DOK6: variants seen among roughly 807,000 people sequenced by gnomAD.
DOK6 encodes the protein downstream of tyrosine kinase 6.
In DOK6, 22 loss-of-function variants were observed where a neutral mutation model predicts 44.0. The observed-to-expected ratio is 0.50, with a 90% CI of 0.36 to 0.71. The LOEUF (loss-of-function observed/expected upper bound fraction) is 0.71. Among genes scored for constraint, DOK6 ranks in the 30% least tolerant of loss-of-function variants. The pLI is 0.00. For synonymous variants in DOK6, 166 were observed against 145.5 expected (o/e 1.14, Z -1.01); for missense variants, 340 against 416.4 (o/e 0.82, Z 1.60).
chr18:69,837,579 A>T (rs1403270203), intron 7 of DOK6, among the ~76,000 whole-genome samples: 2 of 151,940 alleles, frequency 1.3e-5, no homozygotes, highest in Non-Finnish European at 2.9e-5. Context: ...GCAAAAAAAA[A>T]AAAAAGTGCA....
At chr18:69,617,720 A>AAAGT in intron 3 of DOK6, among the ~76,000 whole-genome samples, 1 of 99,546 alleles carries the variant, frequency 1.0e-5, no homozygotes, top group Non-Finnish European at 2.5e-5. Context: ...AGAAAGAAAG[A>AAAGT]AAGAAAAAAG....
intron 3 of DOK6, among the ~76,000 whole-genome samples, chr18:69,642,670 T>C (rs1984972616): frequency 6.6e-6 from 1 of 152,190 alleles, no homozygotes; most frequent in Non-Finnish European, 1.5e-5. Context: ...CCCTCCAACC[T>C]GAATTTGTTG....
chr18:69,751,855 A>G (rs1979190790), intron 6 of DOK6, among the ~76,000 whole-genome samples: 1 of 152,104 alleles, frequency 6.6e-6, no homozygotes, highest in African/African-American at 2.4e-5. Context: ...AGGAAAAAAA[A>G]AGTGCACAAA....
chr18:69,547,072 G>C (rs908993774), intron 1 of DOK6, among the ~76,000 whole-genome samples: 1 of 151,288 alleles, frequency 6.6e-6, no homozygotes, highest in East Asian at 1.9e-4. Context: ...AGATAGTTGG[G>C]TCAGGGAACG....
chr18:69,670,193 T>C (rs1446878605), intron 3 of DOK6, among the ~76,000 whole-genome samples: 1 of 152,210 alleles, frequency 6.6e-6, no homozygotes. Flanking sequence ...TTCAGTTCCA[T>C]GTTCAATGGG....
At chr18:69,489,176 G>T (rs1043166503) in intron 1 of DOK6, among the ~76,000 whole-genome samples, 2 of 152,166 alleles carry the variant, frequency 1.3e-5, no homozygotes, top group Non-Finnish European at 2.9e-5. Context: ...ATAGGTTGAT[G>T]CCCCACCCAC....
rs73453841 is a variant in DOK6 at position 69,581,991 on chromosome 18, C to T, written c.175-17393C>T. 5.2e-3 allele frequency among the ~76,000 whole-genome samples: 797 copies of T among 152,242 alleles called. 11 individuals carry two copies. The highest frequency in any genetic ancestry group is 0.018 in the African/African-American group (762 of 41,532). ...CTCTTAACAGCATCAAACTGCTGAA[C>T]CAACACCAGTAACTACCTACTTCAA... is the stretch of plus-strand genomic sequence containing the variant. On this transcript the variant is annotated intron_variant, in intron 2 of 7. Coordinates refer to ENST00000382713, the MANE Select transcript of DOK6 (RefSeq NM_152721.6).
chr18:69,839,934 T>C (rs989195131), intron 7 of DOK6, among the ~76,000 whole-genome samples: 2 of 151,884 alleles, frequency 1.3e-5, no homozygotes, highest in Admixed American at 1.3e-4. Flanking sequence ...TAAAACAACT[T>C]TTTTTTTAAT....
chr18:69,429,329 T>C (rs1336764732), intron 1 of DOK6, among the ~76,000 whole-genome samples: 1 of 152,040 alleles, frequency 6.6e-6, no homozygotes, highest in African/African-American at 2.4e-5. Flanking sequence ...GGAGAACATG[T>C]GGTTCTGCCC....
chr18:69,448,451 A>C (rs1979360171), intron 1 of DOK6, among the ~76,000 whole-genome samples: 1 of 152,044 alleles, frequency 6.6e-6, no homozygotes, highest in South Asian at 2.1e-4. Context: ...AGCTCACTGC[A>C]ACCTCTGCCT....
intron 1 of DOK6, among the ~76,000 whole-genome samples, chr18:69,472,769 T>G (rs1347404759): frequency 6.6e-6 from 1 of 152,184 alleles, no homozygotes; most frequent in African/African-American, 2.4e-5. Context: ...ATCTCATTAT[T>G]TCTTTAAAGA....
intron 1 of DOK6, among the ~76,000 whole-genome samples, chr18:69,419,868 T>C (rs1439069826): frequency 6.6e-6 from 1 of 152,144 alleles, no homozygotes; most frequent in Admixed American, 6.5e-5. Flanking sequence ...TTGATTGATA[T>C]GTACAAGAAT....
At chr18:69,804,079 T>C (rs190383833) in intron 7 of DOK6, among the ~76,000 whole-genome samples, 131 of 152,294 alleles carry the variant, frequency 8.6e-4, no homozygotes, top group African/African-American at 2.6e-3. Flanking sequence ...TGATTTTCCC[T>C]AAACAAAATT....
At chr18:69,481,319 A>G (rs1272252574) in intron 1 of DOK6, among the ~76,000 whole-genome samples, 2 of 151,864 alleles carry the variant, frequency 1.3e-5, no homozygotes, top group Non-Finnish European at 2.9e-5. Context: ...GGTGTGCTGT[A>G]CTCATTAACT....
chr18:69,819,948 C>CA (rs915764327), intron 7 of DOK6, among the ~76,000 whole-genome samples: 96 of 150,500 alleles, frequency 6.4e-4, no homozygotes, highest in African/African-American at 1.9e-3. Context: ...ACAAAAATTG[C>CA]AAAAAAAAAT....
rs1186559330 is a variant in DOK6 at position 69,848,920 on chromosome 18, T to G, written c.*7537T>G. The G allele has an allele frequency of 6.6e-6, 1 of 152,192 alleles. No individual in the cohort carries two copies. The highest frequency in any genetic ancestry group is 2.4e-5 in the African/African-American group (1 of 41,454). The allele number at this position is 152,192 out of a possible 1,614,324, so 9.4% of individuals were successfully genotyped here. A position where few individuals can be genotyped will look rare whatever the true frequency, so the allele number is the denominator to read the frequency against. ...ATTTCATAAAGCTAACACTGTAATA[T>G]TACTTGGTTTTCTTATACTTTTGTT... On this transcript the variant is annotated 3_prime_UTR_variant, in exon 8 of 8. Coordinates refer to ENST00000382713, the MANE Select transcript of DOK6 (RefSeq NM_152721.6).
chr18:69,716,879 C>T (rs1454856061), intron 5 of DOK6, among the ~76,000 whole-genome samples: 1 of 152,126 alleles, frequency 6.6e-6, no homozygotes, highest in African/African-American at 2.4e-5. Context: ...CACCCAGCAC[C>T]TGAGTAACAC....
intron 5 of DOK6, among the ~76,000 whole-genome samples, chr18:69,711,057 TAATC>T (rs570526704): frequency 1.6e-3 from 249 of 152,344 alleles, no homozygotes; most frequent in Middle Eastern, 3.4e-3. Flanking sequence ...ATTTTAGAGT[TAATC>T]AACCCTTCAA....
chr18:69,833,390 C>A (rs1462564804), intron 7 of DOK6, among the ~76,000 whole-genome samples: 1 of 152,036 alleles, frequency 6.6e-6, no homozygotes, highest in Non-Finnish European at 1.5e-5. Flanking sequence ...CCATCTTTCA[C>A]CACATATAAA....
Sources: allele counts gnomAD v4.1 joint callset (sites outside exome capture counted in the v4.1 genomes callset), GRCh38; gene constraint gnomAD v4.1.1; transcripts MANE v1.5; gene names NCBI Gene and HGNC (gene_info 2026-07-23, HGNC 2026-07-21).